ANKUB1: variants seen among roughly 807,000 people sequenced by gnomAD.
The protein encoded by ANKUB1 is ankyrin repeat and ubiquitin domain containing 1.
A neutral mutation model predicts 49.3 loss-of-function variants in ANKUB1; 42 were observed. The observed-to-expected ratio is 0.85, with a 90% CI of 0.67 to 1.10. The LOEUF (loss-of-function observed/expected upper bound fraction) is 1.10. ANKUB1 is among the 50% of genes least tolerant of loss of function. ANKUB1 has a pLI of 0.00. For missense variants in ANKUB1, 613 were observed against 642.0 expected (o/e 0.95, Z 0.49); for synonymous variants, 222 against 231.0 (o/e 0.96, Z 0.35).
intron 2 of ANKUB1, 150 bp downstream of exon 2, chr3:149,790,631 T>G (rs948243907): frequency 1.3e-6 from 1 of 759,120 alleles, no homozygotes; most frequent in Non-Finnish European, 2.1e-6. Context: ...GCACAAAGCA[T>G]GCGTAAGACC....
In ANKUB1 at chr3:149,770,638, T is replaced by A. The variant is rs1717311311; in HGVS notation, c.488A>T (p.Lys163Met). 2 of 1,550,342 alleles carry A rather than the reference T, an allele frequency of 1.3e-6. No homozygotes were observed. The highest frequency in any genetic ancestry group is 2.4e-5 in the South Asian group (2 of 83,638). The change falls in exon 4 of 6, where the codon AAG becomes ATG. Residue 163 changes from lysine (K) to methionine (M), a missense_variant. Transcript: ENST00000446160. Reference sequence around the variant, plus strand: ...AAGGAGACAACCCATCAGAAATTCCTTCCATCCATCCCAGACATCCAAGCG... The same window carrying A: ...AAGGAGACAACCCATCAGAAATTCCATCCATCCATCCCAGACATCCAAGCG... ...TLRLDVWDGW[K>M]EFLMGCLLGQ... is the part of the protein sequence containing the mutation.
intron 4 of ANKUB1, among the ~76,000 whole-genome samples, chr3:149,769,311 C>T (rs1717219976): frequency 1.3e-5 from 2 of 152,238 alleles, no homozygotes; most frequent in South Asian, 4.1e-4. Context: ...AACCCTCCTC[C>T]TGCCCCAGCT....
intron 3 of ANKUB1, among the ~76,000 whole-genome samples, chr3:149,775,383 A>G (rs1717548102): frequency 6.6e-6 from 1 of 152,230 alleles, no homozygotes; most frequent in Non-Finnish European, 1.5e-5. Context: ...AAATTGTTGG[A>G]AAGAACCCAG....
intron 2 of ANKUB1, 128 bp downstream of exon 2, chr3:149,790,653 T>C (rs1718318947): frequency 3.3e-6 from 3 of 897,432 alleles, no homozygotes; most frequent in Non-Finnish European, 3.3e-6. Flanking sequence ...GTTATACAAA[T>C]GGAAGTGAGG....
intron 5 of ANKUB1, 120 bp downstream of exon 5, chr3:149,767,037 G>T: frequency 2.8e-6 from 3 of 1,079,856 alleles, no homozygotes; most frequent in Non-Finnish European, 2.6e-6. Flanking sequence ...GCTGGGTATT[G>T]ATGCACTGGA....
At chr3:149,768,427 AT>A (rs59592970) in intron 4 of ANKUB1, among the ~76,000 whole-genome samples, 32,141 of 152,140 alleles carry the variant, frequency 0.21, 3,735 homozygotes, top group East Asian at 0.47. Flanking sequence ...ATTAGATTTT[AT>A]TTAAAGATGA....
intron 5 of ANKUB1, among the ~76,000 whole-genome samples, chr3:149,765,675 T>C (rs1256516200): frequency 6.6e-6 from 1 of 152,246 alleles, no homozygotes; most frequent in African/African-American, 2.4e-5. Flanking sequence ...ATTTTTAGCA[T>C]GTATCTGTTG....
chr3:149,766,716 T>G, intron 5 of ANKUB1: 4 of 708,898 alleles, frequency 5.6e-6, no homozygotes, highest in Non-Finnish European at 9.5e-6. Context: ...GAGAATTGCT[T>G]GAGCCTAGGA....
chr3:149,778,611 C>G (rs751069709), intron 3 of ANKUB1: 3 of 152,066 alleles, frequency 2.0e-5, no homozygotes, highest in Non-Finnish European at 4.4e-5. Flanking sequence ...ATGTGAGCCC[C>G]CATCATGTTC....
Position 149,780,220 on chromosome 3 carries a change from C to A in ANKUB1, c.451+19G>T. ...CCTAGTGCCAAATGGTAGCTGATAT[C>A]AAATATACTGGGCAGTACCAATATC... is the stretch of plus-strand genomic sequence containing the variant. On this transcript the variant is annotated intron_variant, in intron 3 of 5. Transcript: ENST00000446160. The A allele has an allele frequency of 6.5e-7, 1 of 1,547,476 alleles. No homozygotes were observed. The highest frequency in any genetic ancestry group is 1.2e-5 in the South Asian group (1 of 83,954).
At chr3:149,785,439 T>A (rs1171406386) in intron 2 of ANKUB1, among the ~76,000 whole-genome samples, 1 of 150,248 alleles carries the variant, frequency 6.7e-6, no homozygotes, top group Non-Finnish European at 1.5e-5. Context: ...GGCCGCAGTG[T>A]GTGATGTTCC....
chr3:149,791,460 A>G (rs1718354105), intron 1 of ANKUB1, among the ~76,000 whole-genome samples: 1 of 152,128 alleles, frequency 6.6e-6, no homozygotes, highest in South Asian at 2.1e-4. Flanking sequence ...GTTTTATTTT[A>G]TGCATTTAAA....
At chr3:149,772,519 A>C (rs991538404) in intron 3 of ANKUB1, among the ~76,000 whole-genome samples, 3 of 152,066 alleles carry the variant, frequency 2.0e-5, no homozygotes, top group Non-Finnish European at 4.4e-5. Context: ...TCTCTGCTCA[A>C]TGTTGTCTTC....
chr3:149,780,620 T>C (rs905574431), intron 2 of ANKUB1, among the ~76,000 whole-genome samples, 165 bp from the exon 3 acceptor site: 2 of 152,146 alleles, frequency 1.3e-5, no homozygotes, highest in African/African-American at 4.8e-5. Flanking sequence ...AGCTCTTATG[T>C]CCTGAGATAT....
rs778423400 is a variant in ANKUB1, at chr3:149,780,421, G to A, written c.269C>T (p.Ala90Val). Reference protein sequence around the residue: ...EDKPTLYVFNAVTQDTMPVME... With the variant: ...EDKPTLYVFNVVTQDTMPVME... The stretch of plus-strand genomic sequence containing the variant: ...TACTGGCATTGTGTCTTGAGTTACA[G>A]CATTGAACACGTATAGAGTAGGCTT... Residue 90 changes from alanine (A) to valine (V), a missense_variant, in exon 3 of 6, where the codon GCT becomes GTT. By Grantham distance (64) the Ala-to-Val change is moderately conservative. Transcript: ENST00000446160. 4.5e-6 allele frequency: 7 copies of A among 1,552,036 alleles called. No individual in the cohort carries two copies. The African/African-American group carries it at 6.8e-5, about 15-fold the overall frequency.
Position 149,768,003 on chromosome 3 carries a change from T to G in ANKUB1, c.659A>C (p.Glu220Ala). 6.6e-7 allele frequency: 1 copy of G among 1,510,004 alleles called. No homozygotes were observed. 93.5% of individuals were successfully genotyped at this position (1,510,004 alleles called of 1,614,324 possible). Residue 220 changes from glutamate (E) to alanine (A), a missense_variant, in exon 5 of 6, where the codon GAG becomes GCG. Glu to Ala is a moderately radical substitution (Grantham distance 107, BLOSUM62 -1). Transcript: ENST00000446160. Reference sequence around the variant, plus strand: ...TCGATAGGGGTGAACACCGACTGCCTCGTGGGGCCGCGCACCCTGCTTCAG... The same window carrying G: ...TCGATAGGGGTGAACACCGACTGCCGCGTGGGGCCGCGCACCCTGCTTCAG... ...WALKQGARPH[E>A]AVGVHPYRAW... is the part of the protein sequence containing the mutation.
At chr3:149,761,915 T>C (rs1248455870) in intron 5 of ANKUB1, among the ~76,000 whole-genome samples, 1 of 152,216 alleles carries the variant, frequency 6.6e-6, no homozygotes, top group Non-Finnish European at 1.5e-5. Flanking sequence ...GATATTCCTA[T>C]ACATCACATA....
intron 2 of ANKUB1, among the ~76,000 whole-genome samples, chr3:149,785,014 A>G (rs1237258281): frequency 6.6e-6 from 1 of 152,200 alleles, no homozygotes; most frequent in Non-Finnish European, 1.5e-5. Context: ...ATGATAACAC[A>G]GGTTAAAATG....
intron 3 of ANKUB1, chr3:149,778,736 T>A (rs919699726): frequency 2.6e-5 from 4 of 152,106 alleles, no homozygotes; most frequent in Non-Finnish European, 1.5e-5. Flanking sequence ...AGGAAAAAAA[T>A]TATGTCAAAG....
Sources: gnomAD v4.1 joint callset for allele counts (sites outside exome capture counted in the v4.1 genomes callset) on GRCh38, gnomAD v4.1.1 for gene constraint, MANE v1.5 for transcripts, NCBI Gene and HGNC (gene_info 2026-07-23, HGNC 2026-07-21) for gene names.